CECR2: variants seen among roughly 807,000 people sequenced by gnomAD.
CECR2 encodes the protein chromatin remodeling regulator CECR2.
Under a neutral mutation model 154.5 loss-of-function variants are expected in CECR2, and 30 were observed. That is an observed-to-expected ratio of 0.19 (90% confidence interval 0.15 to 0.26). CECR2 has a LOEUF of 0.26. Ranked by LOEUF, CECR2 falls within the 10% of genes least tolerant of loss-of-function variation. The pLI is 1.00. For missense variants in CECR2, 1,743 were observed against 1,829.3 expected (o/e 0.95, Z 0.86); for synonymous variants, 725 against 683.7 (o/e 1.06, Z -0.94).
rs574234593 is a variant in CECR2 at position 17,362,549 on chromosome 22, C to A, written c.-364+2526C>A. 8.4e-4 allele frequency among the ~76,000 whole-genome samples: 107 copies of A among 126,882 alleles called. 2 individuals carry two copies. The highest frequency in any genetic ancestry group is 5.9e-4 in the South Asian group (2 of 3,386). 83.2% of individuals were successfully genotyped at this position (126,882 alleles called of 152,430 possible). On this transcript the variant is annotated intron_variant, in intron 1 of 18. Coordinates refer to the CECR2 transcript ENST00000400585. ...GGCATGAAAAAATAATTTTTTAGTTCATTTTTTTTGTGTGTGTTGATTACA... is the reference window on the plus strand; with the variant it reads ...GGCATGAAAAAATAATTTTTTAGTTAATTTTTTTTGTGTGTGTTGATTACA...
At chr22:17,478,412 G>A (rs1287798658) in intron 2 of CECR2, among the ~76,000 whole-genome samples, 1 of 143,320 alleles carries the variant, frequency 7.0e-6, no homozygotes, top group Non-Finnish European at 1.5e-5. Flanking sequence ...CTGGAGTGCA[G>A]TGGCGCAATC....
chr22:17,496,737 T>C (rs1026624661), intron 2 of CECR2, among the ~76,000 whole-genome samples: 2 of 152,228 alleles, frequency 1.3e-5, no homozygotes, highest in Non-Finnish European at 2.9e-5. Context: ...AACTTTGTAC[T>C]GTCTGAACCG....
intron 1 of CECR2, among the ~76,000 whole-genome samples, chr22:17,414,338 G>A (rs1327895902): frequency 6.6e-6 from 1 of 152,158 alleles, no homozygotes; most frequent in Non-Finnish European, 1.5e-5. Flanking sequence ...GAGTTTTGAA[G>A]TGTATTGCAG....
chr22:17,471,316 C>T (rs2146771651), intron 1 of CECR2, among the ~76,000 whole-genome samples: 1 of 152,298 alleles, frequency 6.6e-6, no homozygotes, highest in South Asian at 2.1e-4. Context: ...GATTTTGTCT[C>T]TGGCCATGCT....
At chr22:17,432,771 G>A (rs2054445764) in intron 1 of CECR2, among the ~76,000 whole-genome samples, 1 of 152,090 alleles carries the variant, frequency 6.6e-6, no homozygotes, top group Admixed American at 6.6e-5. Context: ...GAGTACCTAG[G>A]ACTGTAGGCG....
chr22:17,423,162 G>A lies in CECR2; in HGVS notation c.126+53253G>A, dbSNP rs113617981. Among the ~76,000 whole-genome samples, 309 of 152,206 alleles carry A rather than the reference G, an allele frequency of 2.0e-3. 2 individuals are homozygous for A. The highest frequency in any genetic ancestry group is 7.2e-3 in the African/African-American group (299 of 41,518). ...GGTGAGGGGTGGGAAAGCAGGAAGC[G>A]TTCTTTAGTCTTAGGATTAGGTCTC... On this transcript the variant is annotated intron_variant, in intron 1 of 18. Transcript: ENST00000262608.
chr22:17,497,374 G>T, intron 2 of CECR2, 29 bp from the exon 3 acceptor site: 1 of 1,580,654 alleles, frequency 6.3e-7, no homozygotes, highest in Non-Finnish European at 8.6e-7. Context: ...TTATATTAAT[G>T]TATTTTTGTG....
chr22:17,371,423 C>G (rs765156701), intron 1 of CECR2, among the ~76,000 whole-genome samples: 1 of 152,032 alleles, frequency 6.6e-6, no homozygotes, highest in Non-Finnish European at 1.5e-5. Context: ...AAAGTTTGAA[C>G]GTGAATGTAG....
chr22:17,538,822 T>C (rs946283940), intron 12 of CECR2, 91 bp downstream of exon 12: 1 of 1,294,348 alleles, frequency 7.7e-7, no homozygotes, highest in African/African-American at 1.5e-5. Flanking sequence ...ATATATATTT[T>C]GATACGTTTT....
At chr22:17,517,566 C>T (rs965423841) in intron 8 of CECR2, among the ~76,000 whole-genome samples, 1 of 152,192 alleles carries the variant, frequency 6.6e-6, no homozygotes, top group Non-Finnish European at 1.5e-5. Flanking sequence ...ACTATATAGA[C>T]CAACACTGCT....
At chr22:17,461,563 A>C (rs1333194462) in intron 1 of CECR2, among the ~76,000 whole-genome samples, 1 of 152,156 alleles carries the variant, frequency 6.6e-6, no homozygotes, top group African/African-American at 2.4e-5. Context: ...GGCTTTCGTT[A>C]TCAGTAGACC....
At chr22:17,366,595 G>A (rs563233642), upstream of CECR2, among the ~76,000 whole-genome samples, 1 of 152,256 alleles carries the variant, frequency 6.6e-6, no homozygotes, top group South Asian at 2.1e-4. Context: ...AGGGAAGAAG[G>A]GTGAGTGGCC....
Position 17,542,164 on chromosome 22 carries a change from T to G in CECR2, c.2021T>G (p.Val674Gly), listed in dbSNP as rs1163098601. The change falls in exon 16 of 19, where the codon GTT becomes GGT. Residue 674 changes from valine to glycine, a missense_variant. Physicochemically the swap from Val to Gly is moderately radical, Grantham distance 109. This residue lies in a region of CECR2 where 1,250 missense variants were observed against 1,192.1 expected (regional missense o/e 1.05). Transcript: ENST00000262608. ...QRQPFTMQPPVGINSLRGPRL... is the reference protein window; with the variant it reads ...QRQPFTMQPPGGINSLRGPRL... ...GCCTTTTCTCGTTGCCAGCCTCCAG[T>G]TGGAATTAACAGCCTCCGAGGACCC... The G allele has an allele frequency of 4.4e-6, 7 of 1,608,650 alleles. No homozygotes were observed. Among genetic ancestry groups the G allele is most frequent in the Non-Finnish European group, 6.0e-6 (7 of 1,175,840 alleles).
chr22:17,519,944 C>T (rs1190802346), intron 8 of CECR2, among the ~76,000 whole-genome samples: 1 of 152,080 alleles, frequency 6.6e-6, no homozygotes, highest in Non-Finnish European at 1.5e-5. Context: ...GCACACACCA[C>T]CGTGCCCAGC....
At chr22:17,552,775 T>TTTTG in intron 18 of CECR2, 60 bp from the exon 19 acceptor site, 1 of 888,128 alleles carries the variant, frequency 1.1e-6, no homozygotes, top group Non-Finnish European at 1.5e-6. Flanking sequence ...CTTACTTAAG[T>TTTTG]TTTTTTTTTT....
chr22:17,360,168 A>G (rs1162535169), intron 1 of CECR2: 2 of 152,272 alleles, frequency 1.3e-5, no homozygotes, highest in East Asian at 1.9e-4. Context: ...AAAATCAAGT[A>G]TACATGAAAG....
intron 16 of CECR2, 89 bp from the exon 17 acceptor site, chr22:17,548,059 C>G (rs2056640675): frequency 4.0e-6 from 5 of 1,241,372 alleles, no homozygotes; most frequent in Non-Finnish European, 5.5e-6. Context: ...ACACATCCAC[C>G]TTAATCTGAC....
chr22:17,512,691 G>T (rs888863361), intron 8 of CECR2, among the ~76,000 whole-genome samples: 2 of 132,456 alleles, frequency 1.5e-5, no homozygotes, highest in Admixed American at 8.4e-5. Flanking sequence ...CAACTTCAGA[G>T]TTTCACTCTG....
intron 9 of CECR2, among the ~76,000 whole-genome samples, chr22:17,532,002 C>T (rs2056362643): frequency 6.6e-6 from 1 of 151,992 alleles, no homozygotes; most frequent in Non-Finnish European, 1.5e-5. Flanking sequence ...GGCCCCATCT[C>T]TACAGAAAAT....
Sources: gnomAD v4.1 joint callset for allele counts (sites outside exome capture counted in the v4.1 genomes callset) on GRCh38, gnomAD v4.1.1 for gene constraint, gnomAD v4.1.1 regional missense constraint, MANE v1.5 for transcripts, NCBI Gene and HGNC (gene_info 2026-07-23, HGNC 2026-07-21) for gene names.